The following LRRIQ1 variants were observed in gnomAD, a reference collection of about 807,000 sequenced individuals.
LRRIQ1 encodes the protein leucine-rich repeat- and IQ domain-containing protein 1.
In LRRIQ1, 210 loss-of-function variants were observed where a neutral mutation model predicts 211.9. The ratio of observed to expected loss-of-function variants is 0.99; its 90% CI spans 0.89 to 1.11. LRRIQ1 has a LOEUF of 1.11. Among genes scored for constraint, LRRIQ1 ranks in the 50% most tolerant of loss-of-function variants. The probability of loss-of-function intolerance (pLI) is 0.00; values close to 1 mark genes in which losing one functional copy is unlikely to be tolerated. For synonymous variants in LRRIQ1, 699 were observed against 650.1 expected (o/e 1.08, Z -1.14); for missense variants, 2,136 against 1,939.5 (o/e 1.10, Z -1.90).
intron 24 of LRRIQ1, among the ~76,000 whole-genome samples, chr12:85,182,500 A>G (rs1892028657): frequency 6.6e-6 from 1 of 152,170 alleles, no homozygotes; most frequent in Non-Finnish European, 1.5e-5. Context: ...TTTTTAATAC[A>G]CCACAAGAAT....
At chr12:85,190,055 A>G (rs1245757659) in intron 24 of LRRIQ1, among the ~76,000 whole-genome samples, 4 of 142,304 alleles carry the variant, frequency 2.8e-5, no homozygotes, top group Admixed American at 1.5e-4. Flanking sequence ...TATAACAGTT[A>G]TATAACCCCT....
rs774094657 is a variant in LRRIQ1 at position 85,055,969 on chromosome 12, A to C, written c.1176A>C (p.Gln392His). The change falls in exon 8 of 27, where the codon CAA becomes CAC. Residue 392 changes from glutamine to histidine, a missense_variant. Physicochemically the swap from Gln to His is conservative, Grantham distance 24. Coordinates refer to ENST00000393217, the MANE Select transcript of LRRIQ1 (RefSeq NM_001079910.2). ...TAATATTAAGAGAAGATGCAAGCCA[A>C]CAGCTAATAATAAGTAGTGCATTAA... ...EKIILREDASQQLIISSALKK... is the reference protein window; with the variant it reads ...EKIILREDASHQLIISSALKK... 6.2e-7 allele frequency: 1 copy of C among 1,609,864 alleles called. No homozygotes were observed. The highest frequency in any genetic ancestry group is 1.7e-5 in the Admixed American group (1 of 59,692).
At chr12:85,186,963 C>T (rs188876813) in intron 24 of LRRIQ1, among the ~76,000 whole-genome samples, 2 of 152,098 alleles carry the variant, frequency 1.3e-5, no homozygotes, top group East Asian at 3.9e-4. Flanking sequence ...AGCACTGTCA[C>T]CATGAACAAA....
intron 11 of LRRIQ1, among the ~76,000 whole-genome samples, chr12:85,080,163 T>C (rs1198775254): frequency 1.3e-5 from 2 of 152,046 alleles, no homozygotes; most frequent in Admixed American, 1.3e-4. Flanking sequence ...ATTGTAAATA[T>C]ATTTTATTGT....
rs2135983341 is a variant in LRRIQ1 at position 85,055,829 on chromosome 12, A to C, written c.1036A>C (p.Lys346Gln). 2 of 1,588,220 alleles carry C rather than the reference A, an allele frequency of 1.3e-6. No homozygotes were observed. Among genetic ancestry groups the C allele is most frequent in the African/African-American group, 1.4e-5 (1 of 74,022 alleles). ...RKRLEEEQRI[K>Q]EERKKQKEEE... The stretch of plus-strand genomic sequence containing the variant: ...AAGATTAGAGGAGGAACAAAGGATA[A>C]AAGAAGAGAGAAAAAAGCAAAAGGA... Residue 346 changes from lysine to glutamine, a missense_variant, in exon 8 of 27, where the codon AAA (lysine) becomes CAA (glutamine). Physicochemically the swap from Lys to Gln is moderately conservative, Grantham distance 53. Coordinates refer to ENST00000393217, the MANE Select transcript of LRRIQ1 (RefSeq NM_001079910.2).
chr12:85,236,821 G>GTGCATATATA (rs1487368004), intron 26 of LRRIQ1, among the ~76,000 whole-genome samples: 4 of 87,640 alleles, frequency 4.6e-5, no homozygotes, highest in Non-Finnish European at 8.2e-5. Flanking sequence ...ATATGTATGT[G>GTGCATATATA]TATGTGTGCA....
chr12:85,213,768 A>G (rs1893948822), intron 24 of LRRIQ1, among the ~76,000 whole-genome samples: 1 of 152,060 alleles, frequency 6.6e-6, no homozygotes, highest in Admixed American at 6.6e-5. Context: ...AAAAAGTAAC[A>G]ATAACAAAAA....
intron 11 of LRRIQ1, among the ~76,000 whole-genome samples, chr12:85,095,471 A>G (rs1288122658): frequency 6.6e-6 from 1 of 152,152 alleles, no homozygotes; most frequent in Non-Finnish European, 1.5e-5. Context: ...AGTGTACTTG[A>G]TTGTGGTGAG....
At chr12:85,076,920 A>G (rs1883726944) in intron 11 of LRRIQ1, among the ~76,000 whole-genome samples, 1 of 152,086 alleles carries the variant, frequency 6.6e-6, no homozygotes, top group Admixed American at 6.6e-5. Context: ...ATGAAAAAAC[A>G]CCCACATAGT....
intron 11 of LRRIQ1, among the ~76,000 whole-genome samples, chr12:85,079,083 A>G (rs1374565458): frequency 1.3e-5 from 2 of 152,040 alleles, no homozygotes; most frequent in East Asian, 1.9e-4. Context: ...GGAAAACTCC[A>G]CTATACTCTC....
chr12:85,229,800 T>C (rs1894847618), intron 25 of LRRIQ1, 151 bp downstream of exon 25: 2 of 651,502 alleles, frequency 3.1e-6, no homozygotes, highest in Non-Finnish European at 5.1e-6. Context: ...TCATATAGAA[T>C]AGATTTAATT....
chr12:85,202,582 T>C (rs1029358348), intron 24 of LRRIQ1, among the ~76,000 whole-genome samples: 1 of 152,202 alleles, frequency 6.6e-6, no homozygotes, highest in Non-Finnish European at 1.5e-5. Context: ...AAGTCTATTT[T>C]GTCTGAAATT....
chr12:85,051,863 C>T (rs1400125191), intron 6 of LRRIQ1, among the ~76,000 whole-genome samples: 1 of 152,074 alleles, frequency 6.6e-6, no homozygotes, highest in Non-Finnish European at 1.5e-5. Flanking sequence ...ATTTTACAAA[C>T]ATTATTGTAA....
At chr12:85,183,913 A>G (rs559041492) in intron 24 of LRRIQ1, among the ~76,000 whole-genome samples, 4 of 152,092 alleles carry the variant, frequency 2.6e-5, no homozygotes, top group Non-Finnish European at 5.9e-5. Flanking sequence ...TTAAAATTAC[A>G]TACAGGCATA....
intron 15 of LRRIQ1, among the ~76,000 whole-genome samples, chr12:85,112,952 G>T (rs891738112): frequency 2.0e-5 from 3 of 152,006 alleles, no homozygotes; most frequent in African/African-American, 7.2e-5. Flanking sequence ...TTAGCAAGTT[G>T]GCATTCTGTT....
intron 18 of LRRIQ1, among the ~76,000 whole-genome samples, chr12:85,134,735 T>G (rs760997101): frequency 7.2e-5 from 11 of 151,990 alleles, no homozygotes; most frequent in Non-Finnish European, 1.0e-4. Context: ...AAAAGATAAG[T>G]GCACTATCTG....
At chr12:85,181,777 C>T (rs1303569843) in intron 24 of LRRIQ1, among the ~76,000 whole-genome samples, 3 of 151,930 alleles carry the variant, frequency 2.0e-5, no homozygotes, top group Non-Finnish European at 1.5e-5. Flanking sequence ...CATGTACATA[C>T]ATACATATTT....
intron 15 of LRRIQ1, among the ~76,000 whole-genome samples, chr12:85,107,557 C>G (rs907848970): frequency 9.2e-5 from 14 of 151,936 alleles, no homozygotes. Context: ...CTTTTTGGAT[C>G]TGCCATTTTC....
At chr12:85,166,377 T>G (rs553876782) in intron 24 of LRRIQ1, among the ~76,000 whole-genome samples, 1 of 152,218 alleles carries the variant, frequency 6.6e-6, no homozygotes, top group African/African-American at 2.4e-5. Flanking sequence ...GCTTCCTATT[T>G]GTTCTTTTAT....
Sources: gnomAD v4.1 joint callset for allele counts (sites outside exome capture counted in the v4.1 genomes callset) on GRCh38, gnomAD v4.1.1 for gene constraint, MANE v1.5 for transcripts, NCBI Gene and HGNC (gene_info 2026-07-23, HGNC 2026-07-21) for gene names.